NRXN1: variants seen among roughly 807,000 people sequenced by gnomAD.
NRXN1 encodes the protein neurexin 1.
NRXN1 carries 39 observed loss-of-function variants against 150.9 expected under a neutral mutation model. The observed-to-expected ratio is 0.26, with a 90% CI of 0.20 to 0.34. The LOEUF (loss-of-function observed/expected upper bound fraction) is 0.34, where lower values mean the gene tolerates loss of function less well. Among genes scored for constraint, NRXN1 ranks in the 10% least tolerant of loss-of-function variants. NRXN1 has a pLI of 1.00. For missense variants in NRXN1, 1,815 were observed against 1,949.9 expected (o/e 0.93, Z 1.30); for synonymous variants, 924 against 757.0 (o/e 1.22, Z -3.62).
intron 5 of NRXN1, among the ~76,000 whole-genome samples, chr2:50,679,089 C>T (rs1364009030): frequency 3.9e-5 from 6 of 151,918 alleles, no homozygotes; most frequent in Admixed American, 3.3e-4. Flanking sequence ...TAACATGGAT[C>T]GGGCTACATT....
At chr2:50,013,954 G>T (rs968996769) in intron 21 of NRXN1, among the ~76,000 whole-genome samples, 1 of 152,086 alleles carries the variant, frequency 6.6e-6, no homozygotes, top group African/African-American at 2.4e-5. Context: ...GTTAGGAAGG[G>T]TTATTTGGAG....
At chr2:50,217,689 C>T (rs1275855179) in intron 18 of NRXN1, among the ~76,000 whole-genome samples, 1 of 151,946 alleles carries the variant, frequency 6.6e-6, no homozygotes, top group East Asian at 1.9e-4. Context: ...CAACAGAACG[C>T]CTGGTTGAAG....
At chr2:50,363,535 A>T (rs1030840803) in intron 17 of NRXN1, among the ~76,000 whole-genome samples, 1 of 152,226 alleles carries the variant, frequency 6.6e-6, no homozygotes, top group Non-Finnish European at 1.5e-5. Context: ...TTAAAATCAC[A>T]ATGAGATACC....
chr2:51,001,230 G>GGGC (rs1558565000), intron 2 of NRXN1, among the ~76,000 whole-genome samples: 1 of 133,704 alleles, frequency 7.5e-6, no homozygotes, highest in Non-Finnish European at 1.6e-5. Flanking sequence ...TAGATTCATG[G>GGGC]GGTTGGGGGG....
At chr2:50,776,719 T>G (rs1366825882) in intron 5 of NRXN1, among the ~76,000 whole-genome samples, 4 of 151,656 alleles carry the variant, frequency 2.6e-5, no homozygotes, top group Non-Finnish European at 5.9e-5. Flanking sequence ...TTTAGATTAG[T>G]ATGAAAATTC....
chr2:50,657,306 C>A (rs1686634758), intron 5 of NRXN1, among the ~76,000 whole-genome samples: 1 of 152,062 alleles, frequency 6.6e-6, no homozygotes, highest in Non-Finnish European at 1.5e-5. Context: ...ATGTTATTCA[C>A]TGTGTGCTCT....
intron 12 of NRXN1, among the ~76,000 whole-genome samples, chr2:50,508,559 T>G (rs1335804181): frequency 6.6e-6 from 1 of 152,154 alleles, no homozygotes; most frequent in Non-Finnish European, 1.5e-5. Flanking sequence ...GCTATTTTTA[T>G]AGGGAACTTT....
chr2:50,875,874 T>C (rs990810677), intron 5 of NRXN1, among the ~76,000 whole-genome samples: 5 of 151,822 alleles, frequency 3.3e-5, no homozygotes, highest in Non-Finnish European at 7.4e-5. Context: ...AGCCCAAATT[T>C]AAAAAGACAG....
At chr2:50,149,830 G>C (rs1030921141) in intron 18 of NRXN1, among the ~76,000 whole-genome samples, 4 of 151,508 alleles carry the variant, frequency 2.6e-5, no homozygotes, top group Non-Finnish European at 5.9e-5. Context: ...TCTGACTCAA[G>C]AGAAGACTTG....
chr2:50,177,774 ACTCTCTCTCTCT>A (rs72085403), intron 18 of NRXN1, among the ~76,000 whole-genome samples: 16 of 131,266 alleles, frequency 1.2e-4, no homozygotes, highest in South Asian at 2.6e-4. Flanking sequence ...TAACTAACTA[ACTCTCTCTCTCT>A]CTCTCTCTCT....
intron 2 of NRXN1, among the ~76,000 whole-genome samples, chr2:50,980,555 T>C (rs1399573946): frequency 6.6e-6 from 1 of 152,136 alleles, no homozygotes; most frequent in Non-Finnish European, 1.5e-5. Context: ...TGATAGTTTA[T>C]GAAGGTAATA....
chr2:50,854,944 A>G (rs1045127783), intron 5 of NRXN1, among the ~76,000 whole-genome samples: 2 of 152,026 alleles, frequency 1.3e-5, no homozygotes, highest in Admixed American at 1.3e-4. Flanking sequence ...GATTTAAAAG[A>G]CAGATTACAG....
At chr2:50,373,903 A>G (rs1230355367) in intron 17 of NRXN1, among the ~76,000 whole-genome samples, 3 of 152,036 alleles carry the variant, frequency 2.0e-5, no homozygotes, top group South Asian at 4.1e-4. Flanking sequence ...TCATTAAAAT[A>G]TTTGCAGGTA....
chr2:49,982,817 TCATAA>T (rs912656153), intron 21 of NRXN1, among the ~76,000 whole-genome samples: 5 of 152,292 alleles, frequency 3.3e-5, no homozygotes, highest in African/African-American at 9.6e-5. Flanking sequence ...TGTATTTTTT[TCATAA>T]CATAAGTGAC....
At chr2:50,601,978 G>C (rs1573741099) in intron 8 of NRXN1, among the ~76,000 whole-genome samples, 1 of 152,284 alleles carries the variant, frequency 6.6e-6, no homozygotes, top group East Asian at 1.9e-4. Context: ...GTTATAAAGA[G>C]TCTGGACCAA....
chr2:50,594,103 T>C (rs959924044), intron 8 of NRXN1, among the ~76,000 whole-genome samples: 5 of 152,142 alleles, frequency 3.3e-5, no homozygotes, highest in African/African-American at 1.2e-4. Context: ...TTTCCTGAAG[T>C]CTCTCCAGCC....
At chr2:50,643,305 T>C (rs1684331533) in intron 5 of NRXN1, among the ~76,000 whole-genome samples, 1 of 151,730 alleles carries the variant, frequency 6.6e-6, no homozygotes, top group Non-Finnish European at 1.5e-5. Context: ...CAATAAATTG[T>C]AAAAAAAAGT....
At chr2:50,806,268 G>A (rs926538798) in intron 5 of NRXN1, among the ~76,000 whole-genome samples, 1 of 152,094 alleles carries the variant, frequency 6.6e-6, no homozygotes, top group Non-Finnish European at 1.5e-5. Context: ...AGCTTGAGTT[G>A]GAGAAATTAC....
chr2:50,581,672 G>T (rs1265034208), intron 8 of NRXN1, among the ~76,000 whole-genome samples: 1 of 152,200 alleles, frequency 6.6e-6, no homozygotes, highest in African/African-American at 2.4e-5. Flanking sequence ...ATGTCATGAT[G>T]ATGACAGAAT....
Sources: allele counts gnomAD v4.1 joint callset (sites outside exome capture counted in the v4.1 genomes callset), GRCh38; gene constraint gnomAD v4.1.1; transcripts MANE v1.5; gene names NCBI Gene and HGNC (gene_info 2026-07-23, HGNC 2026-07-21).